The following RUFY3 variants were observed in gnomAD, a reference collection of about 807,000 sequenced individuals.
The protein encoded by RUFY3 is protein RUFY3.
In RUFY3, 34 loss-of-function variants were observed where a neutral mutation model predicts 84.0. The ratio of observed to expected loss-of-function variants is 0.40; its 90% CI spans 0.31 to 0.54. The LOEUF (loss-of-function observed/expected upper bound fraction) is 0.54, where lower values mean the gene tolerates loss of function less well. Ranked by LOEUF, RUFY3 falls within the 20% of genes least tolerant of loss-of-function variation. The pLI is 0.39. For missense variants in RUFY3, 507 were observed against 736.8 expected, an observed-to-expected ratio of 0.69 and a Z score of 3.61; for synonymous variants, 242 against 252.9, an observed-to-expected ratio of 0.96 and a Z score of 0.41.
chr4:70,757,600 A>T (rs1436898269), intron 1 of RUFY3, among the ~76,000 whole-genome samples: 2 of 152,226 alleles, frequency 1.3e-5, no homozygotes, highest in African/African-American at 2.4e-5. Flanking sequence ...GTGAAACTCC[A>T]TCTGAAAAAT....
intron 1 of RUFY3, among the ~76,000 whole-genome samples, chr4:70,710,727 G>GT (rs1260340626): frequency 6.6e-6 from 1 of 151,734 alleles, no homozygotes; most frequent in Non-Finnish European, 1.5e-5. Context: ...TTGAACACAT[G>GT]TTTTTTGTTT....
intron 1 of RUFY3, among the ~76,000 whole-genome samples, chr4:70,749,392 T>A (rs532385837): frequency 1.3e-3 from 192 of 152,232 alleles, no homozygotes; most frequent in Middle Eastern, 6.8e-3. Context: ...TTGTGCAAGC[T>A]AATATATTTT....
chr4:70,748,894 G>A (rs546063617), intron 1 of RUFY3, among the ~76,000 whole-genome samples: 13 of 152,006 alleles, frequency 8.6e-5, no homozygotes, highest in Admixed American at 5.9e-4. Context: ...GTAAAGAAAT[G>A]TAGGTGCCCA....
intron 1 of RUFY3, among the ~76,000 whole-genome samples, chr4:70,726,522 C>T (rs560718890): frequency 5.9e-5 from 9 of 152,218 alleles, no homozygotes; most frequent in East Asian, 1.9e-4. Context: ...TACAGGCATG[C>T]GCCACCACGC....
chr4:70,717,076 A>G (rs1741708981), upstream of RUFY3, among the ~76,000 whole-genome samples: 1 of 152,174 alleles, frequency 6.6e-6, no homozygotes, highest in Admixed American at 6.6e-5. Context: ...AGCAAGAAGG[A>G]GCACATAAGT....
chr4:70,729,694 G>A (rs1718897958), intron 1 of RUFY3, among the ~76,000 whole-genome samples: 1 of 152,130 alleles, frequency 6.6e-6, no homozygotes, highest in Admixed American at 6.5e-5. Context: ...AGTAGCTGAA[G>A]CCACAGCAGT....
At chr4:70,786,534 G>A in intron 10 of RUFY3, among the ~76,000 whole-genome samples, 1 of 151,126 alleles carries the variant, frequency 6.6e-6, no homozygotes, top group South Asian at 2.1e-4. Flanking sequence ...CTTTATGCTG[G>A]AAAAAAAAGA....
chr4:70,756,575 T>C (rs1404392344), intron 1 of RUFY3, among the ~76,000 whole-genome samples: 1 of 152,192 alleles, frequency 6.6e-6, no homozygotes, highest in African/African-American at 2.4e-5. Context: ...AAGCTATTCC[T>C]TCCATCCTGT....
At chr4:70,782,720 C>G (rs898188798) in intron 8 of RUFY3, among the ~76,000 whole-genome samples, 10 of 152,062 alleles carry the variant, frequency 6.6e-5, no homozygotes, top group Non-Finnish European at 1.0e-4. Flanking sequence ...CAACACCAGC[C>G]TGGCCAACAT....
chr4:70,749,082 CT>C (rs897252672), intron 1 of RUFY3, among the ~76,000 whole-genome samples: 2 of 151,862 alleles, frequency 1.3e-5, no homozygotes, highest in African/African-American at 4.8e-5. Flanking sequence ...CTTTTCTTTT[CT>C]TTTTTTTATA....
chr4:70,782,829 C>T lies in RUFY3; in HGVS notation c.895-262C>T, dbSNP rs373410413. 2.2e-4 allele frequency among the ~76,000 whole-genome samples: 33 copies of T among 152,220 alleles called. 1 individual carries two copies. Among genetic ancestry groups the T allele is most frequent in the East Asian group, 2.1e-3 (11 of 5,128 alleles). On this transcript the variant is annotated intron_variant, in intron 8 of 17. Coordinates refer to ENST00000381006, the MANE Select transcript of RUFY3 (RefSeq NM_001037442.4). ...TTGGGAGGCTAAGGCATGAGAATCA[C>T]TTGAACCAGGAGGCAGAGGTTACAG...
intron 9 of RUFY3, among the ~76,000 whole-genome samples, chr4:70,784,019 G>A (rs1212455158): frequency 6.6e-6 from 1 of 152,182 alleles, no homozygotes; most frequent in Non-Finnish European, 1.5e-5. Flanking sequence ...TCTGCGAGGG[G>A]ACAAAAGCAG....
chr4:70,762,737 T>C, intron 2 of RUFY3, 45 bp downstream of exon 2: 2 of 1,494,218 alleles, frequency 1.3e-6, no homozygotes, highest in East Asian at 2.3e-5. Flanking sequence ...AGCTGTTTTC[T>C]AGCAATGCAT....
chr4:70,721,777 G>T (rs945456104), upstream of RUFY3: 2 of 792,010 alleles, frequency 2.5e-6, no homozygotes, highest in Admixed American at 6.2e-5. Flanking sequence ...AAGAAGAATT[G>T]ATGAGGATAT....
chr4:70,708,622 A>G (rs1740616508), intron 1 of RUFY3, among the ~76,000 whole-genome samples: 1 of 152,232 alleles, frequency 6.6e-6, no homozygotes, highest in South Asian at 2.1e-4. Context: ...TATAGCTTTG[A>G]AAGACTGTGT....
chr4:70,764,955 G>A (rs1374722686), intron 4 of RUFY3, among the ~76,000 whole-genome samples: 1 of 152,102 alleles, frequency 6.6e-6, no homozygotes, highest in East Asian at 1.9e-4. Context: ...GGAGGCCAAG[G>A]TGGGCAGACC....
chr4:70,712,844 G>T (rs1712428870), intron 1 of RUFY3, among the ~76,000 whole-genome samples: 1 of 152,232 alleles, frequency 6.6e-6, no homozygotes, highest in South Asian at 2.1e-4. Context: ...CATTTTTGAT[G>T]AATTTTACAG....
chr4:70,743,765 C>T (rs1384715109), intron 1 of RUFY3, among the ~76,000 whole-genome samples: 4 of 151,914 alleles, frequency 2.6e-5, no homozygotes, highest in Non-Finnish European at 4.4e-5. Flanking sequence ...GATCAAGATC[C>T]TCTTTACAGA....
intron 1 of RUFY3, among the ~76,000 whole-genome samples, chr4:70,726,748 C>T (rs1718317542): frequency 6.6e-6 from 1 of 152,170 alleles, no homozygotes; most frequent in African/African-American, 2.4e-5. Context: ...GATTACATAT[C>T]CTGGCTTAAG....
Sources: gnomAD v4.1 joint callset for allele counts (sites outside exome capture counted in the v4.1 genomes callset) on GRCh38, gnomAD v4.1.1 for gene constraint, MANE v1.5 for transcripts, NCBI Gene and HGNC (gene_info 2026-07-23, HGNC 2026-07-21) for gene names.